The following ARPP21 variants were observed in gnomAD, a reference collection of about 807,000 sequenced individuals.
ARPP21 encodes the protein cAMP-regulated phosphoprotein 21.
ARPP21 carries 69 observed loss-of-function variants against 113.2 expected under a neutral mutation model. The ratio of observed to expected loss-of-function variants is 0.61; its 90% CI spans 0.50 to 0.74. ARPP21 has a LOEUF of 0.74. Among genes scored for constraint, ARPP21 ranks in the 30% least tolerant of loss-of-function variants. The pLI, the probability that ARPP21 is intolerant of heterozygous loss-of-function variation, is 0.00. For missense variants in ARPP21, 1,070 were observed against 1,037.4 expected, an observed-to-expected ratio of 1.03 and a Z score of -0.43; for synonymous variants, 368 against 375.5, an observed-to-expected ratio of 0.98 and a Z score of 0.23.
At position 35,709,016 on chromosome 3, in the gene ARPP21, T is replaced by A; in HGVS notation, c.843T>A (p.Ile281=). The stretch of plus-strand genomic sequence containing the variant: ...GAGATGACAGACGAAGTAAATCAAT[T>A]GAAGAGAGAGAAGAGGAATATCAGA... ...PFRDDRRSKS[I]EEREEEYQRV... is the part of the protein sequence containing the mutation. Residue 281 remains isoleucine (I), a synonymous_variant, in exon 11 of 21, where the codon ATT becomes ATA. Transcript: ENST00000684406. The A allele has an allele frequency of 1.2e-6, 2 of 1,613,860 alleles. No individual in the cohort carries two copies. Among genetic ancestry groups the A allele is most frequent in the Non-Finnish European group, 1.7e-6 (2 of 1,179,836 alleles).
chr3:35,715,391 T>A (rs1417985534), intron 11 of ARPP21, 48 bp from the exon 12 acceptor site: 1 of 1,544,184 alleles, frequency 6.5e-7, no homozygotes, highest in South Asian at 1.1e-5. Flanking sequence ...TTGGGATCCC[T>A]CAGCATATCC....
intron 1 of ARPP21, among the ~76,000 whole-genome samples, chr3:35,653,762 C>T (rs1703524764): frequency 6.6e-6 from 1 of 152,044 alleles, no homozygotes; most frequent in Admixed American, 6.6e-5. Flanking sequence ...TTCCTGCTTT[C>T]TCTACATGTA....
chr3:35,771,079 C>T (rs574284629), intron 19 of ARPP21, among the ~76,000 whole-genome samples: 2 of 152,326 alleles, frequency 1.3e-5, no homozygotes, highest in African/African-American at 4.8e-5. Flanking sequence ...CAGAGCTCAT[C>T]TGCGAGTGCC....
intron 19 of ARPP21, among the ~76,000 whole-genome samples, chr3:35,747,850 T>G (rs1266034548): frequency 6.6e-6 from 1 of 150,940 alleles, no homozygotes; most frequent in East Asian, 2.0e-4. Flanking sequence ...AGGTTGAGAC[T>G]GCAGTGAGCC....
chr3:35,716,050 T>C (rs1460744843), intron 12 of ARPP21, among the ~76,000 whole-genome samples: 2 of 152,110 alleles, frequency 1.3e-5, no homozygotes, highest in African/African-American at 4.8e-5. Flanking sequence ...GTAGTTGTTG[T>C]AAAATAAATG....
In ARPP21 at chr3:35,790,792, G is replaced by T. The variant is rs115792896; in HGVS notation, c.2138-1590G>T. 2.7e-3 allele frequency among the ~76,000 whole-genome samples: 418 copies of T among 152,274 alleles called. 3 individuals are homozygous for T. Among genetic ancestry groups the T allele is most frequent in the African/African-American group, 9.6e-3 (399 of 41,540 alleles). On this transcript the variant is annotated intron_variant, in intron 19 of 20. Transcript: ENST00000684406. ...GTGGTTATTACCCTTAATTATATTC[G>T]TAATATGTGGTGTCTTTACAATAAT...
chr3:35,771,474 G>A (rs189950827), intron 19 of ARPP21, among the ~76,000 whole-genome samples: 6 of 151,994 alleles, frequency 3.9e-5, no homozygotes, highest in East Asian at 1.9e-4. Flanking sequence ...GACTACAGGC[G>A]CCCATCATCA....
intron 19 of ARPP21, among the ~76,000 whole-genome samples, chr3:35,781,921 T>G (rs2096534963): frequency 6.6e-6 from 1 of 152,186 alleles, no homozygotes. Context: ...GTGTTGTTGT[T>G]GTTTTCAATG....
chr3:35,767,853 C>A (rs2096041113), intron 19 of ARPP21, among the ~76,000 whole-genome samples: 1 of 151,926 alleles, frequency 6.6e-6, no homozygotes, highest in Non-Finnish European at 1.5e-5. Context: ...ATCATAAAAC[C>A]CTTGAACAAA....
At chr3:35,748,429 GAA>G (rs937045579) in intron 19 of ARPP21, among the ~76,000 whole-genome samples, 5 of 136,038 alleles carry the variant, frequency 3.7e-5, no homozygotes, top group African/African-American at 1.1e-4. Context: ...AAAAGAGAAA[GAA>G]AGAGAAAGAA....
chr3:35,679,497 A>G (rs547611568), intron 1 of ARPP21: 3 of 151,660 alleles, frequency 2.0e-5, no homozygotes, highest in Admixed American at 2.0e-4. Flanking sequence ...TTTTAATACA[A>G]AGTGCGAGAT....
At chr3:35,645,957 A>C (rs1276555034) in intron 1 of ARPP21, among the ~76,000 whole-genome samples, 4 of 152,074 alleles carry the variant, frequency 2.6e-5, no homozygotes, top group Non-Finnish European at 5.9e-5. Context: ...ATCTTTAAAG[A>C]ACAAAATTGA....
intron 19 of ARPP21, among the ~76,000 whole-genome samples, chr3:35,760,678 G>A (rs540659308): frequency 6.6e-6 from 1 of 152,204 alleles, no homozygotes; most frequent in East Asian, 1.9e-4. Context: ...AAACTTTAAA[G>A]ATTTTGAAAT....
At chr3:35,744,002 A>T (rs1243240877) in intron 19 of ARPP21, 37 bp downstream of exon 19, 2 of 1,612,552 alleles carry the variant, frequency 1.2e-6, no homozygotes, top group Non-Finnish European at 1.7e-6. Flanking sequence ...TTCTCAACCC[A>T]GTTATTTTTG....
chr3:35,793,731 C>A lies in ARPP21; in HGVS notation c.2317C>A (p.Pro773Thr). The change falls in exon 21 of 21, where the codon CCC (proline) becomes ACC (threonine). Residue 773 changes from proline (P) to threonine (T), a missense_variant. Coordinates refer to ENST00000684406, the MANE Select transcript of ARPP21 (RefSeq NM_001385562.1). ...AATGACCCAGGGTTCTCAAGGACTG[C>A]CCCAGCAGTCATACCAACAGCCAAT... Reference protein sequence around the residue: ...VPMTQGSQGLPQQSYQQPIML... With the variant: ...VPMTQGSQGLTQQSYQQPIML... 6.2e-7 allele frequency: 1 copy of A among 1,613,512 alleles called. No homozygotes were observed. The highest frequency in any genetic ancestry group is 8.5e-7 in the Non-Finnish European group (1 of 1,179,460).
chr3:35,710,111 G>A (rs1172271116), intron 11 of ARPP21, among the ~76,000 whole-genome samples: 2 of 151,800 alleles, frequency 1.3e-5, no homozygotes, highest in Non-Finnish European at 2.9e-5. Context: ...TTTATATCCC[G>A]CCCCCTACAA....
intron 13 of ARPP21, among the ~76,000 whole-genome samples, chr3:35,719,809 G>T (rs2092873439): frequency 1.3e-5 from 2 of 152,166 alleles, no homozygotes; most frequent in Admixed American, 6.5e-5. Flanking sequence ...CTGCAAATGA[G>T]ATTATTGTCA....
intron 19 of ARPP21, among the ~76,000 whole-genome samples, chr3:35,754,551 G>T (rs2095509401): frequency 6.6e-6 from 1 of 151,830 alleles, no homozygotes; most frequent in Admixed American, 6.6e-5. Context: ...TCATTAATTG[G>T]TCTAATTATT....
chr3:35,782,861 T>C (rs1196000825), intron 19 of ARPP21, among the ~76,000 whole-genome samples: 2 of 152,186 alleles, frequency 1.3e-5, no homozygotes, highest in African/African-American at 4.8e-5. Context: ...CTGCCCAGCA[T>C]GGTGCTTCAC....
Sources: allele counts gnomAD v4.1 joint callset (sites outside exome capture counted in the v4.1 genomes callset), GRCh38; gene constraint gnomAD v4.1.1; transcripts MANE v1.5; gene names NCBI Gene and HGNC (gene_info 2026-07-23, HGNC 2026-07-21).